NAA11: variants seen among roughly 807,000 people sequenced by gnomAD.
The protein encoded by NAA11 is N-alpha-acetyltransferase 11, NatA catalytic subunit.
Under a neutral mutation model 16.1 loss-of-function variants are expected in NAA11, and 15 were observed. The observed-to-expected ratio is 0.93, with a 90% CI of 0.62 to 1.44. NAA11 has a LOEUF of 1.44. NAA11 is among the 40% of genes most tolerant of loss of function. The pLI is 0.00. For missense variants in NAA11, 298 were observed against 291.3 expected (o/e 1.02, Z -0.17); for synonymous variants, 122 against 112.4 (o/e 1.09, Z -0.54).
Position 79,317,507 on chromosome 4 carries a change from G to A in NAA11, c.*297C>T, listed in dbSNP as rs1263875197. 1.3e-5 allele frequency: 2 copies of A among 152,204 alleles called. No homozygotes were observed. Among genetic ancestry groups the A allele is most frequent in the African/African-American group, 4.8e-5 (2 of 41,444 alleles). 9.4% of individuals were successfully genotyped at this position (152,204 alleles called of 1,614,324 possible). Reference sequence around the variant, plus strand: ...ACTTGCAGGATAACCACACCCAACAGAGGACTACTACAAACAGAATAAAAT... The same window carrying A: ...ACTTGCAGGATAACCACACCCAACAAAGGACTACTACAAACAGAATAAAAT... On this transcript the variant is annotated 3_prime_UTR_variant, in exon 2 of 2. Coordinates refer to ENST00000286794, the MANE Select transcript of NAA11 (RefSeq NM_032693.3).
At chr4:79,215,561 A>C in the NAA11 span, among the ~76,000 whole-genome samples, 22 of 152,216 alleles carry the variant, frequency 1.4e-4, no homozygotes, top group Non-Finnish European at 2.8e-4. Flanking sequence ...ATGAAAAAGT[A>C]AGACTCTATC....
intron 2 of NAA11, among the ~76,000 whole-genome samples, chr4:79,288,980 G>C (rs1288624272): frequency 6.6e-6 from 1 of 151,964 alleles, no homozygotes; most frequent in Non-Finnish European, 1.5e-5. Context: ...ATTTTTGATG[G>C]CTACATAACA....
intron 2 of NAA11, among the ~76,000 whole-genome samples, chr4:79,265,422 A>G (rs964865447): frequency 3.9e-5 from 6 of 152,122 alleles, no homozygotes; most frequent in African/African-American, 1.4e-4. Flanking sequence ...TACTCCTCTC[A>G]CTGAGAATAA....
At chr4:79,319,212 G>A (rs1037201880) in intron 1 of NAA11, among the ~76,000 whole-genome samples, 7 of 152,164 alleles carry the variant, frequency 4.6e-5, no homozygotes, top group Admixed American at 3.3e-4. Flanking sequence ...ACAGGCATGA[G>A]CCGCTGTGCC....
chr4:79,163,961 T>C, the NAA11 span, among the ~76,000 whole-genome samples: 2 of 152,312 alleles, frequency 1.3e-5, no homozygotes, highest in Non-Finnish European at 2.9e-5. Context: ...AGGCTATGGT[T>C]CCTGAACACC....
chr4:79,210,760 A>G, the NAA11 span, among the ~76,000 whole-genome samples: 20 of 152,314 alleles, frequency 1.3e-4, no homozygotes, highest in Admixed American at 1.3e-3. Flanking sequence ...TCCGTCTCAA[A>G]AAAAGAAAAA....
At chr4:79,253,690 A>G (rs1407917397) in intron 2 of NAA11, among the ~76,000 whole-genome samples, 2 of 152,228 alleles carry the variant, frequency 1.3e-5, no homozygotes, top group African/African-American at 2.4e-5. Context: ...AAGTAAAGAA[A>G]TGTTTTTAAA....
the NAA11 span, among the ~76,000 whole-genome samples, chr4:79,213,082 A>G: frequency 6.6e-6 from 1 of 152,140 alleles, no homozygotes; most frequent in Admixed American, 6.6e-5. Context: ...TCCAAGGTAT[A>G]AAAAATTTTA....
chr4:79,168,451 C>T, the NAA11 span, among the ~76,000 whole-genome samples: 1 of 152,212 alleles, frequency 6.6e-6, no homozygotes, highest in East Asian at 1.9e-4. Flanking sequence ...GCCACACTGT[C>T]TTCCACAATG....
chr4:79,188,953 C>T, the NAA11 span, among the ~76,000 whole-genome samples: 593 of 151,630 alleles, frequency 3.9e-3, 3 homozygotes, highest in African/African-American at 0.014. Flanking sequence ...TGTGAAGGGC[C>T]GAGCGCAGTG....
the NAA11 span, among the ~76,000 whole-genome samples, chr4:79,214,754 C>T: frequency 7.5e-4 from 114 of 152,064 alleles, 2 homozygotes; most frequent in Admixed American, 2.1e-3. Flanking sequence ...GCCGAGATGG[C>T]GCCACTGCAC....
At chr4:79,193,998 G>A in the NAA11 span, among the ~76,000 whole-genome samples, 461 of 152,168 alleles carry the variant, frequency 3.0e-3, 2 homozygotes, top group African/African-American at 0.01. Context: ...ACTGTGAATG[G>A]GCCTTCACTC....
chr4:79,194,277 A>G, the NAA11 span, among the ~76,000 whole-genome samples: 3 of 152,252 alleles, frequency 2.0e-5, no homozygotes, highest in South Asian at 4.1e-4. Context: ...CATTTTAATG[A>G]TATTGATTAT....
At chr4:79,178,950 G>A in the NAA11 span, among the ~76,000 whole-genome samples, 134,212 of 152,120 alleles carry the variant, frequency 0.88, 59,747 homozygotes, top group East Asian at 1. Context: ...CTGAAATTGA[G>A]AGGCAGCCAA....
At chr4:79,250,955 A>T (rs1457902416) in intron 2 of NAA11, among the ~76,000 whole-genome samples, 1 of 152,256 alleles carries the variant, frequency 6.6e-6, no homozygotes, top group Non-Finnish European at 1.5e-5. Context: ...CTATAATTAA[A>T]AAGTCAAAAA....
At chr4:79,284,031 A>G (rs1722855116) in intron 2 of NAA11, among the ~76,000 whole-genome samples, 5 of 152,228 alleles carry the variant, frequency 3.3e-5, no homozygotes, top group Admixed American at 3.3e-4. Context: ...AAGAAATTAC[A>G]TCTTTTCAGG....
At chr4:79,321,745 T>C (rs2110017571) in intron 1 of NAA11, among the ~76,000 whole-genome samples, 1 of 152,364 alleles carries the variant, frequency 6.6e-6, no homozygotes, top group East Asian at 1.9e-4. Flanking sequence ...TCATTTATAC[T>C]AAAATTTACT....
intron 1 of NAA11, among the ~76,000 whole-genome samples, chr4:79,301,966 G>A (rs1349693413): frequency 6.6e-6 from 1 of 152,086 alleles, no homozygotes; most frequent in African/African-American, 2.4e-5. Flanking sequence ...TGCTTCCATA[G>A]CAGAACTAGA....
chr4:79,315,428 C>A (rs768355958), downstream of NAA11, among the ~76,000 whole-genome samples: 5 of 152,158 alleles, frequency 3.3e-5, no homozygotes, highest in Non-Finnish European at 7.4e-5. Context: ...GAAAACCACA[C>A]AGACTCTAAC....
Sources: allele counts gnomAD v4.1 joint callset (sites outside exome capture counted in the v4.1 genomes callset), GRCh38; gene constraint gnomAD v4.1.1; transcripts MANE v1.5; gene names NCBI Gene and HGNC (gene_info 2026-07-23, HGNC 2026-07-21).